The following METTL16 variants were observed in gnomAD, a reference collection of about 807,000 sequenced individuals.
METTL16 encodes RNA N(6)-adenosine-methyltransferase METTL16.
Under a neutral mutation model 57.9 loss-of-function variants are expected in METTL16, and 19 were observed. The ratio of observed to expected loss-of-function variants is 0.33; its 90% confidence interval spans 0.23 to 0.48. METTL16 has a LOEUF of 0.48. Ranked by LOEUF, METTL16 falls within the 20% of genes least tolerant of loss-of-function variation. The probability of loss-of-function intolerance (pLI) is 0.99; values close to 1 mark genes in which losing one functional copy is unlikely to be tolerated. For missense variants in METTL16, 434 were observed against 691.5 expected, an observed-to-expected ratio of 0.63 and a Z score of 4.18; for synonymous variants, 246 against 255.6, an observed-to-expected ratio of 0.96 and a Z score of 0.36.
chr17:2,429,198 CTTTTTT>C (rs55994674), intron 8 of METTL16, among the ~76,000 whole-genome samples: 2 of 120,370 alleles, frequency 1.7e-5, no homozygotes, highest in African/African-American at 6.6e-5. Context: ...AAGAATGAAA[CTTTTTT>C]TTTTTTTTTT....
chr17:2,426,461 T>G (rs1185379383), intron 8 of METTL16, among the ~76,000 whole-genome samples: 1 of 152,116 alleles, frequency 6.6e-6, no homozygotes, highest in Non-Finnish European at 1.5e-5. Flanking sequence ...CCGGGTGCCA[T>G]GGCTCACGCC....
chr17:2,504,931 A>G (rs768974761), intron 1 of METTL16, among the ~76,000 whole-genome samples: 9 of 152,192 alleles, frequency 5.9e-5, no homozygotes, highest in Non-Finnish European at 1.0e-4. Flanking sequence ...GTACCATAAC[A>G]TCACCAAACT....
chr17:2,438,790 A>G (rs2066926813), intron 7 of METTL16, among the ~76,000 whole-genome samples: 2 of 152,186 alleles, frequency 1.3e-5, no homozygotes, highest in Non-Finnish European at 2.9e-5. Context: ...CACCACACCC[A>G]GCCTCAAGTG....
chr17:2,495,384 A>G (rs551634316), intron 2 of METTL16, among the ~76,000 whole-genome samples: 1 of 152,250 alleles, frequency 6.6e-6, no homozygotes, highest in African/African-American at 2.4e-5. Context: ...GGTCATTATC[A>G]ACATTAATCG....
chr17:2,460,885 C>CGAA (rs2067145252), intron 6 of METTL16, among the ~76,000 whole-genome samples: 1 of 57,808 alleles, frequency 1.7e-5, no homozygotes. Flanking sequence ...AACTCAGTCT[C>CGAA]AAAAAAAAAA....
rs1020383037 is a variant in METTL16, at chr17:2,420,367, G to C, written c.1292C>G (p.Pro431Arg). 2 of 1,612,352 alleles carry C rather than the reference G, an allele frequency of 1.2e-6. No homozygotes were observed. The highest frequency in any genetic ancestry group is 1.3e-5 in the African/African-American group (1 of 75,054). Residue 431 changes from proline to arginine, a missense_variant, in exon 10 of 10, where the codon CCC (proline) becomes CGC (arginine). Coordinates refer to ENST00000263092, the MANE Select transcript of METTL16 (RefSeq NM_024086.4). The surrounding 1 kb of genome is among the most constrained non-coding windows in gnomAD (Gnocchi z 5.4). ...GCCTTCCCGCAGAGCAGGCCCACAG[G>C]GGGTCCTCTCCTGGGGGCCCCTGGC... ...ELARGPQERT[P>R]CGPALREGEA...
At chr17:2,440,029 A>G (rs1368643613) in intron 7 of METTL16, among the ~76,000 whole-genome samples, 1 of 152,168 alleles carries the variant, frequency 6.6e-6, no homozygotes, top group Non-Finnish European at 1.5e-5. Context: ...TTTATAAAAA[A>G]TAAGGATTAC....
At chr17:2,465,874 C>G (rs183690378) in intron 5 of METTL16, among the ~76,000 whole-genome samples, 2 of 149,510 alleles carry the variant, frequency 1.3e-5, no homozygotes, top group East Asian at 4.0e-4. Flanking sequence ...CCCCACACCC[C>G]CCGACCTCAA....
intron 6 of METTL16, among the ~76,000 whole-genome samples, chr17:2,448,757 T>TA (rs1163249734): frequency 1.8e-4 from 6 of 32,878 alleles, no homozygotes; most frequent in Admixed American, 3.4e-4. Context: ...AAAAATAAAA[T>TA]AAAAAAAATA....
rs1197670814 is a variant in METTL16, at chr17:2,444,543, G to A, written c.729-2984C>T. Among the ~76,000 whole-genome samples, 8 of 152,064 alleles carry A rather than the reference G, an allele frequency of 5.3e-5. 1 individual carries two copies. The highest frequency in any genetic ancestry group is 5.2e-4 in the Admixed American group (8 of 15,264). On this transcript the variant is annotated intron_variant, in intron 6 of 9. Coordinates refer to ENST00000263092, the MANE Select transcript of METTL16 (RefSeq NM_024086.4). ...GTAGCTGTTGCAACATCATAGCACA[G>A]TTTTAAAAAATAAAGTGTAGCTTAA... is the stretch of plus-strand genomic sequence containing the variant.
chr17:2,419,813 G>A lies in METTL16; in HGVS notation c.*157C>T. 1 of 872,916 alleles carries A rather than the reference G, an allele frequency of 1.1e-6. No individual in the cohort carries two copies. Among genetic ancestry groups the A allele is most frequent in the South Asian group, 1.5e-5 (1 of 68,204 alleles). The allele number at this position is 872,916 out of a possible 1,614,324, so 54.1% of individuals were successfully genotyped here. The stretch of plus-strand genomic sequence containing the variant: ...CCTGTAACTCAAAAAGCGGGAAGGA[G>A]GCGGGGGGAGGTGGGGGACAGATTC... On this transcript the variant is annotated 3_prime_UTR_variant, in exon 10 of 10. Coordinates refer to ENST00000263092, the MANE Select transcript of METTL16 (RefSeq NM_024086.4).
At chr17:2,437,629 G>A (rs1265131250) in intron 8 of METTL16, among the ~76,000 whole-genome samples, 3 of 152,096 alleles carry the variant, frequency 2.0e-5, no homozygotes, top group South Asian at 4.1e-4. Context: ...TCAGCTCACC[G>A]CAACCTCCGC....
chr17:2,498,132 T>C (rs1407172606), intron 2 of METTL16, among the ~76,000 whole-genome samples: 1 of 149,920 alleles, frequency 6.7e-6, no homozygotes, highest in African/African-American at 2.5e-5. Context: ...AGGCAGAGCT[T>C]GCAGTGAGCC....
chr17:2,500,545 G>C (rs1202318675), intron 2 of METTL16, among the ~76,000 whole-genome samples: 1 of 152,114 alleles, frequency 6.6e-6, no homozygotes. Flanking sequence ...GCCTCCCAAA[G>C]TGCTGGGATT....
At chr17:2,461,371 A>C (rs183301413) in intron 6 of METTL16, among the ~76,000 whole-genome samples, 97 of 152,196 alleles carry the variant, frequency 6.4e-4, no homozygotes, top group African/African-American at 2.2e-3. Flanking sequence ...TCTCAAAAAA[A>C]CAAAAAACAA....
At chr17:2,450,349 A>C (rs2067059551) in intron 6 of METTL16, among the ~76,000 whole-genome samples, 1 of 152,228 alleles carries the variant, frequency 6.6e-6, no homozygotes, top group Non-Finnish European at 1.5e-5. Context: ...GACAATCAAA[A>C]CCTACATTTT....
At chr17:2,479,883 C>G (rs1453543286) in intron 2 of METTL16, among the ~76,000 whole-genome samples, 1 of 152,066 alleles carries the variant, frequency 6.6e-6, no homozygotes, top group Non-Finnish European at 1.5e-5. Context: ...CTCAGTTTCT[C>G]CACCTATAAA....
chr17:2,440,552 C>T (rs1426836445), intron 7 of METTL16, among the ~76,000 whole-genome samples: 2 of 151,210 alleles, frequency 1.3e-5, no homozygotes, highest in Non-Finnish European at 2.9e-5. Context: ...CAGCCCGACC[C>T]CATTTCTCAA....
rs1236008154 is a variant in METTL16, at chr17:2,477,729, G to C, written c.285C>G (p.His95Gln). The part of the protein sequence containing the change: ...YIHWVEDLIG[H>Q]QDSDKSTLRR... ...GGAGAGTACTTTTGTCAGAATCCTG[G>C]TGACCGATCAGATCTTCTACCCAGT... The change falls in exon 3 of 10, where the codon CAC (histidine) becomes CAG (glutamine). Residue 95 changes from histidine to glutamine, a missense_variant. This residue lies in a region of METTL16 where 118 missense variants were observed against 280.0 expected (regional missense o/e 0.42). Transcript: ENST00000263092. 1 of 1,613,846 alleles carries C rather than the reference G, an allele frequency of 6.2e-7. No individual in the cohort carries two copies. Among genetic ancestry groups the C allele is most frequent in the East Asian group, 2.2e-5 (1 of 44,894 alleles).
Sources: gnomAD v4.1 joint callset for allele counts (sites outside exome capture counted in the v4.1 genomes callset) on GRCh38, gnomAD v4.1.1 for gene constraint, gnomAD v4.1.1 regional missense constraint, Gnocchi (gnomAD v3.1) non-coding constraint, MANE v1.5 for transcripts, NCBI Gene and HGNC (gene_info 2026-07-23, HGNC 2026-07-21) for gene names.